GOLGB1: variants seen among roughly 807,000 people sequenced by gnomAD.
GOLGB1 encodes golgin B1, also known as golgin subfamily B member 1.
A neutral mutation model predicts 336.9 loss-of-function variants in GOLGB1; 174 were observed. The observed-to-expected ratio is 0.52, with a 90% CI of 0.46 to 0.59. The LOEUF (loss-of-function observed/expected upper bound fraction) is 0.59, where lower values mean the gene tolerates loss of function less well. Among genes scored for constraint, GOLGB1 ranks in the 20% least tolerant of loss-of-function variants. GOLGB1 has a pLI of 0.00. For missense variants in GOLGB1, 3,331 were observed against 3,645.3 expected (o/e 0.91, Z 2.22); for synonymous variants, 1,208 against 1,289.2 (o/e 0.94, Z 1.35).
intron 14 of GOLGB1, among the ~76,000 whole-genome samples, chr3:121,685,654 T>C (rs75977719): frequency 0.028 from 4,248 of 151,904 alleles, 69 homozygotes; most frequent in Non-Finnish European, 0.043. Flanking sequence ...GTAAAGAAAA[T>C]CAATAGTTGA....
chr3:121,717,011 T>C lies in GOLGB1; in HGVS notation c.1014A>G (p.Leu338=). ...TTTCTTCCTGCAGATTATGGAAGGATAATTTTCTCTCTGCCACTTCAAGTT... is the reference window on the plus strand; with the variant it reads ...TTTCTTCCTGCAGATTATGGAAGGACAATTTTCTCTCTGCCACTTCAAGTT... ...KMELEVAERK[L]SFHNLQEEMH... The change falls in exon 9 of 22, where the codon TTA becomes TTG. Residue 338 remains leucine, a synonymous_variant. Coordinates refer to ENST00000614479, the MANE Select transcript of GOLGB1 (RefSeq NM_001366282.2). 2 of 1,614,084 alleles carry C rather than the reference T, an allele frequency of 1.2e-6. No individual in the cohort carries two copies. The highest frequency in any genetic ancestry group is 1.7e-4 in the Middle Eastern group (1 of 6,060).
intron 14 of GOLGB1, among the ~76,000 whole-genome samples, chr3:121,688,583 A>T (rs1225657005): frequency 1.3e-5 from 2 of 152,184 alleles, no homozygotes; most frequent in African/African-American, 4.8e-5. Context: ...AAGTGCCGAG[A>T]GTGCAGCCTC....
Position 121,696,212 on chromosome 3 carries a change from T to A in GOLGB1, c.4311A>T (p.Gln1437His). 1.2e-6 allele frequency: 2 copies of A among 1,614,098 alleles called. No individual in the cohort carries two copies. The highest frequency in any genetic ancestry group is 1.7e-6 in the Non-Finnish European group (2 of 1,179,958). The change falls in exon 13 of 22, where the codon CAA becomes CAT. Residue 1437 changes from glutamine to histidine, a missense_variant. By Grantham distance (24) the Gln-to-His change is conservative. Coordinates refer to ENST00000614479, the MANE Select transcript of GOLGB1 (RefSeq NM_001366282.2). Reference sequence around the variant, plus strand: ...TATGCAGAGCCTTAATTAAATCTTCTTGTTCTATTATCTCTGTCTGTATTT... The same window carrying A: ...TATGCAGAGCCTTAATTAAATCTTCATGTTCTATTATCTCTGTCTGTATTT... ...LTKIQTEIIE[Q>H]EDLIKALHTQ...
chr3:121,683,886 T>C (rs1321421867), intron 14 of GOLGB1, among the ~76,000 whole-genome samples: 1 of 151,930 alleles, frequency 6.6e-6, no homozygotes. Context: ...TCCCAGCACT[T>C]TGGGGGGCCG....
chr3:121,673,717 ATCT>A (rs1199282213), intron 17 of GOLGB1, among the ~76,000 whole-genome samples: 3 of 151,546 alleles, frequency 2.0e-5, no homozygotes, highest in Non-Finnish European at 4.4e-5. Flanking sequence ...CTATCTATCT[ATCT>A]ATCTATCTAT....
intron 1 of GOLGB1, among the ~76,000 whole-genome samples, chr3:121,736,324 C>T (rs1946462956): frequency 6.6e-6 from 1 of 152,124 alleles, no homozygotes; most frequent in African/African-American, 2.4e-5. Flanking sequence ...GACTTGGCAA[C>T]CACCACCTCA....
At chr3:121,693,673 G>C in intron 13 of GOLGB1, 68 bp downstream of exon 13, 1 of 1,140,084 alleles carries the variant, frequency 8.8e-7, no homozygotes, top group South Asian at 1.5e-5. Context: ...AAAGGAAACA[G>C]AAATAGTTTA....
At chr3:121,707,251 AAAAC>A (rs1241849371) in intron 10 of GOLGB1, among the ~76,000 whole-genome samples, 47 of 151,262 alleles carry the variant, frequency 3.1e-4, no homozygotes, top group Non-Finnish European at 6.2e-4. Context: ...AACAAAAATA[AAAAC>A]AAACAAACAA....
At position 121,695,069 on chromosome 3, in the gene GOLGB1, T is replaced by C. The variant is rs747226374; in HGVS notation, c.5454A>G (p.Glu1818=). The change falls in exon 13 of 22, where the codon GAA becomes GAG. Residue 1818 remains glutamate (E), a synonymous_variant. Transcript: ENST00000614479. ...LSMSTRPTCS[E]SVPSAKSANP... Reference sequence around the variant, plus strand: ...TGGCACTCTTCGCTGATGGAACCGATTCTGAACATGTAGGTCTTGTGCTCA... The same window carrying C: ...TGGCACTCTTCGCTGATGGAACCGACTCTGAACATGTAGGTCTTGTGCTCA... 4.3e-6 allele frequency: 7 copies of C among 1,614,010 alleles called. No individual in the cohort carries two copies. In the East Asian group the frequency reaches 1.1e-4, roughly 26 times the overall value.
intron 14 of GOLGB1, among the ~76,000 whole-genome samples, chr3:121,689,648 TAAAAA>T (rs60317103): frequency 3.6e-5 from 5 of 138,472 alleles, no homozygotes; most frequent in African/African-American, 1.4e-4. Context: ...AATGATCAAT[TAAAAA>T]AAAAAAAAAA....
At chr3:121,689,431 T>TCTG (rs1942198783) in intron 14 of GOLGB1, among the ~76,000 whole-genome samples, 1 of 151,282 alleles carries the variant, frequency 6.6e-6, no homozygotes, top group Non-Finnish European at 1.5e-5. Context: ...ATGTGCTTTG[T>TCTG]TAAACAGATG....
chr3:121,724,178 CA>C (rs199708543), intron 5 of GOLGB1, among the ~76,000 whole-genome samples: 22 of 146,872 alleles, frequency 1.5e-4, no homozygotes, highest in Admixed American at 2.0e-4. Flanking sequence ...GGAACTAGCT[CA>C]AAAAAAAAAT....
intron 5 of GOLGB1, among the ~76,000 whole-genome samples, chr3:121,725,213 A>G (rs1407532141): frequency 6.6e-6 from 1 of 152,204 alleles, no homozygotes; most frequent in East Asian, 1.9e-4. Context: ...CTGCCATACC[A>G]GAACTATAGA....
At chr3:121,729,828 T>A (rs28497949) in intron 3 of GOLGB1, 37 bp downstream of exon 3, 597,810 of 1,520,894 alleles carry the variant, frequency 0.39, 121,635 homozygotes, top group Non-Finnish European at 0.43. Context: ...CTGTCCTTTA[T>A]CAAATGCTCC....
intron 9 of GOLGB1, among the ~76,000 whole-genome samples, chr3:121,715,945 T>A (rs184074455): frequency 6.6e-6 from 1 of 150,860 alleles, no homozygotes; most frequent in Non-Finnish European, 1.5e-5. Flanking sequence ...TGAGCCGAGA[T>A]CATGCCATTG....
rs149682420 is a variant in GOLGB1, at chr3:121,673,967, C to A, written c.9177+2926G>T. The stretch of plus-strand genomic sequence containing the variant: ...AACTCCTGGCCTCAAGTGATCCACT[C>A]ACCTTGGCCTCCCAAAGTGCAAGGA... On this transcript the variant is annotated intron_variant, in intron 17 of 21. Transcript: ENST00000614479. 2.6e-3 allele frequency among the ~76,000 whole-genome samples: 396 copies of A among 152,262 alleles called. 4 individuals carry two copies. The highest frequency in any genetic ancestry group is 8.9e-3 in the African/African-American group (369 of 41,550).
At chr3:121,667,948 A>C (rs1938871813) in intron 19 of GOLGB1, 113 bp downstream of exon 19, 1 of 601,534 alleles carries the variant, frequency 1.7e-6, no homozygotes. Flanking sequence ...TGTGAGGCTA[A>C]TAAGATAACA....
intron 9 of GOLGB1, among the ~76,000 whole-genome samples, chr3:121,715,597 G>C (rs1944700706): frequency 6.6e-6 from 1 of 151,738 alleles, no homozygotes; most frequent in African/African-American, 2.4e-5. Flanking sequence ...CTCGACTTAG[G>C]TATTATGGAT....
intron 1 of GOLGB1, among the ~76,000 whole-genome samples, chr3:121,735,434 G>C (rs1337161969): frequency 1.3e-5 from 2 of 152,120 alleles, no homozygotes; most frequent in Non-Finnish European, 2.9e-5. Context: ...GTTTTGACTG[G>C]GTACTATAAG....
Sources: gnomAD v4.1 joint callset for allele counts (sites outside exome capture counted in the v4.1 genomes callset) on GRCh38, gnomAD v4.1.1 for gene constraint, MANE v1.5 for transcripts, NCBI Gene and HGNC (gene_info 2026-07-23, HGNC 2026-07-21) for gene names.